The following BCL2L11 variants were observed in gnomAD, a reference collection of about 807,000 sequenced individuals.
The protein encoded by BCL2L11 is BCL2 like 11.
In BCL2L11, 15 loss-of-function variants were observed where a neutral mutation model predicts 20.6. That is an observed-to-expected ratio of 0.73 (90% CI 0.49 to 1.12). The LOEUF is 1.12. BCL2L11 is among the 50% of genes most tolerant of loss of function. The pLI is 0.00. For missense variants in BCL2L11, 292 were observed against 260.9 expected (o/e 1.12, Z -0.82); for synonymous variants, 108 against 92.8 (o/e 1.16, Z -0.94).
intron 2 of BCL2L11, among the ~76,000 whole-genome samples, chr2:111,129,929 T>C (rs1315794443): frequency 6.6e-6 from 1 of 152,240 alleles, no homozygotes; most frequent in Non-Finnish European, 1.5e-5. Flanking sequence ...TAATCGGAGA[T>C]GTTGTGTAAC....
At chr2:111,142,365 G>A in intron 2 of BCL2L11, 13 of 1,550,562 alleles carry the variant, frequency 8.4e-6, no homozygotes, top group Non-Finnish European at 1.1e-5. Flanking sequence ...AAGTTCAGTG[G>A]CCACTCAAGT....
chr2:111,139,518 G>A (rs1239996061), intron 2 of BCL2L11, among the ~76,000 whole-genome samples: 1 of 152,174 alleles, frequency 6.6e-6, no homozygotes, highest in Non-Finnish European at 1.5e-5. Context: ...CTACAACTGC[G>A]TTTTCCTTCT....
At chr2:111,122,444 T>C (rs953495003) in intron 1 of BCL2L11, among the ~76,000 whole-genome samples, 2 of 152,174 alleles carry the variant, frequency 1.3e-5, no homozygotes, top group African/African-American at 4.8e-5. Context: ...AGAGCAGCGC[T>C]CGGAGGCGAG....
At position 111,124,011 on chromosome 2, in the gene BCL2L11, T is replaced by G. The variant is rs1347714808; in HGVS notation, c.266T>G (p.Leu89Arg). Residue 89 changes from leucine to arginine, a missense_variant, in exon 2 of 4, where the codon CTG becomes CGG. Physicochemically the swap from Leu to Arg is moderately radical, Grantham distance 102. Coordinates refer to ENST00000393256, the MANE Select transcript of BCL2L11 (RefSeq NM_138621.5). ...LFIFMRRSSL[L>R]SRSSSGYFSF... ...ATCTTTATGAGAAGATCCTCCCTGC[T>G]GTCTCGATCCTCCAGTGGGTATTTC... 6.2e-7 allele frequency: 1 copy of G among 1,614,238 alleles called. No individual in the cohort carries two copies. The highest frequency in any genetic ancestry group is 8.5e-7 in the Non-Finnish European group (1 of 1,180,038).
rs1271745269 is a variant in BCL2L11 at position 111,167,829 on chromosome 2, G to A, written c.*3598G>A. On this transcript the variant is annotated 3_prime_UTR_variant, in exon 4 of 4. Transcript: ENST00000393256. Reference sequence around the variant, plus strand: ...TGCATTTGGTCAGCCTGCTTCTTCAGGTCGATGCCCTCCTTCTGATACTCC... The same window carrying A: ...TGCATTTGGTCAGCCTGCTTCTTCAAGTCGATGCCCTCCTTCTGATACTCC... 6.5e-6 allele frequency: 1 copy of A among 152,846 alleles called. No homozygotes were observed. Among genetic ancestry groups the A allele is most frequent in the Non-Finnish European group, 1.5e-5 (1 of 68,196 alleles). 9.5% of individuals were successfully genotyped at this position (152,846 alleles called of 1,614,324 possible).
At chr2:111,130,781 C>T (rs906600439) in intron 2 of BCL2L11, among the ~76,000 whole-genome samples, 4 of 152,138 alleles carry the variant, frequency 2.6e-5, no homozygotes, top group Non-Finnish European at 4.4e-5. Flanking sequence ...GAAGTTTTAA[C>T]CTGTATTCCC....
intron 2 of BCL2L11, among the ~76,000 whole-genome samples, chr2:111,125,224 A>G (rs76924592): frequency 0.012 from 1,871 of 152,332 alleles, 44 homozygotes; most frequent in African/African-American, 0.043. Flanking sequence ...AGATTTTGAA[A>G]ACATTGTACA....
intron 2 of BCL2L11, chr2:111,131,689 CTTA>C (rs1191393551): frequency 6.6e-6 from 1 of 152,020 alleles, no homozygotes; most frequent in Admixed American, 6.6e-5. Context: ...CTCTTTTCTT[CTTA>C]TTGTTTTCTC....
intron 2 of BCL2L11, among the ~76,000 whole-genome samples, chr2:111,141,492 T>C (rs1460109886): frequency 2.4e-5 from 3 of 123,316 alleles, no homozygotes; most frequent in Non-Finnish European, 3.2e-5. Flanking sequence ...GGAAGGGGAA[T>C]ATCACACTCT....
At chr2:111,128,664 C>T in intron 2 of BCL2L11, 1 of 1,539,304 alleles carries the variant, frequency 6.5e-7, no homozygotes, top group Non-Finnish European at 8.7e-7. Context: ...TTTCACTGTG[C>T]TTTGGATTTA....
intron 2 of BCL2L11, among the ~76,000 whole-genome samples, chr2:111,137,633 C>CTTTTT (rs575699231): frequency 7.1e-4 from 94 of 132,922 alleles, no homozygotes; most frequent in African/African-American, 2.5e-3. Flanking sequence ...TTCCTCCCCA[C>CTTTTT]TTTTTTTTTT....
At position 111,151,910 on chromosome 2, in the gene BCL2L11, TTTGG is replaced by T; in HGVS notation, c.498+1770_498+1773del. 4 of 1,524,248 alleles carry T rather than the reference TTTGG, an allele frequency of 2.6e-6. No individual in the cohort carries two copies. In the East Asian group the frequency reaches 9.8e-5, roughly 37 times the overall value. 94.4% of individuals were successfully genotyped at this position (1,524,248 alleles called of 1,614,324 possible). On this transcript the variant is annotated intron_variant, in intron 3 of 3. Transcript: ENST00000393256. The stretch of plus-strand genomic sequence containing the variant: ...TCTGAAATGGTAATTTTTTTGGAAC[TTTGG>T]TTGGTTTTATAACTTGTCACTGAAG...
chr2:111,122,399 C>T (rs1360571956), intron 1 of BCL2L11, among the ~76,000 whole-genome samples: 5 of 152,176 alleles, frequency 3.3e-5, no homozygotes, highest in African/African-American at 9.6e-5. Context: ...GCCCTCAAAT[C>T]CTCCGACGAA....
chr2:111,137,886 G>A lies in BCL2L11; in HGVS notation c.395-12158G>A, dbSNP rs554894966. On this transcript the variant is annotated intron_variant, in intron 2 of 3. Transcript: ENST00000393256. The stretch of plus-strand genomic sequence containing the variant: ...CTGCAAGATTATTTATGATAGTCTA[G>A]TTTAATATTAAAGAAGTTCATTGGC... Among the ~76,000 whole-genome samples the A allele has an allele frequency of 9.7e-4, 148 of 151,964 alleles. 1 individual carries two copies. In the South Asian group the frequency reaches 0.03, roughly 31 times the overall value.
In BCL2L11 at chr2:111,123,094, C is replaced by T. The variant is rs1043836155; in HGVS notation, c.-13-639C>T. On this transcript the variant is annotated intron_variant, in intron 1 of 3. Transcript: ENST00000393256. ...AGAGATGTGCACCTCACGGTGTGCA[C>T]CTCAGAGAAGTTCTGTCTGATTCGG... 1.0e-5 allele frequency: 10 copies of T among 977,292 alleles called. No individual in the cohort carries two copies. In the African/African-American group the frequency reaches 1.0e-4, roughly 10 times the overall value. The allele number at this position is 977,292 out of a possible 1,614,324, so 60.5% of individuals were successfully genotyped here.
intron 3 of BCL2L11, chr2:111,161,281 A>AGG: frequency 9.3e-7 from 1 of 1,072,348 alleles, no homozygotes; most frequent in Non-Finnish European, 1.4e-6. Flanking sequence ...AAGTTTCAGG[A>AGG]GGGAGTGGAG....
At chr2:111,147,516 T>G (rs1311673604) in intron 2 of BCL2L11, among the ~76,000 whole-genome samples, 1 of 152,254 alleles carries the variant, frequency 6.6e-6, no homozygotes, top group Non-Finnish European at 1.5e-5. Context: ...TATTTGCTTC[T>G]GCCAAAGCCA....
intron 3 of BCL2L11, chr2:111,161,598 C>G: frequency 6.7e-7 from 1 of 1,501,256 alleles, no homozygotes; most frequent in Non-Finnish European, 8.9e-7. Context: ...ACCACTCACA[C>G]TGCAAATGAC....
chr2:111,122,561 A>T, intron 1 of BCL2L11: 1 of 969,994 alleles, frequency 1.0e-6, no homozygotes, highest in Non-Finnish European at 1.2e-6. Context: ...ACCAATTGGG[A>T]ACGCGGGCAC....
Sources: allele counts gnomAD v4.1 joint callset (sites outside exome capture counted in the v4.1 genomes callset), GRCh38; gene constraint gnomAD v4.1.1; transcripts MANE v1.5; gene names NCBI Gene and HGNC (gene_info 2026-07-23, HGNC 2026-07-21).